Variants in CFI observed in about 807,000 individuals in gnomAD.
CFI encodes the protein complement factor I.
In CFI, 66 loss-of-function variants were observed where a neutral mutation model predicts 78.8. That is an observed-to-expected ratio of 0.84 (90% CI 0.69 to 1.03). The LOEUF (loss-of-function observed/expected upper bound fraction) is 1.03. Among genes scored for constraint, CFI ranks in the 50% least tolerant of loss-of-function variants. The pLI is 0.00. For synonymous variants in CFI, 250 were observed against 232.6 expected (o/e 1.07, Z -0.68); for missense variants, 706 against 704.5 (o/e 1.00, Z -0.02).
At chr4:109,760,011 T>C in intron 6 of CFI, 1 of 614,352 alleles carries the variant, frequency 1.6e-6, no homozygotes, top group South Asian at 1.7e-5. Context: ...AAATGGGTAC[T>C]TAAGGATTGG....
chr4:109,775,983 C>G (rs548340748), intron 1 of CFI, among the ~76,000 whole-genome samples: 1 of 152,252 alleles, frequency 6.6e-6, no homozygotes, highest in African/African-American at 2.4e-5. Context: ...CCCATCTGTA[C>G]GTCACCATCA....
downstream of CFI, chr4:109,740,651 C>T (rs563449420): frequency 2.3e-5 from 12 of 514,736 alleles, no homozygotes; most frequent in African/African-American, 9.6e-5. Flanking sequence ...AAATCACTCC[C>T]GCATTGAGAT....
intron 1 of CFI, among the ~76,000 whole-genome samples, chr4:109,799,984 C>G (rs1205725738): frequency 6.6e-6 from 1 of 152,140 alleles, no homozygotes; most frequent in Non-Finnish European, 1.5e-5. Flanking sequence ...AAACCTTTGA[C>G]TGTTTTCCAG....
In CFI at chr4:109,746,511, GAA is replaced by G; in HGVS notation, c.1149-11_1149-10del. ...GATGAGTTTTACTGGCTCTATAACAGAAAAAAAAAGGAAATAAAATATATTGA... is the reference window on the plus strand; with the variant it reads ...GATGAGTTTTACTGGCTCTATAACAGAAAAAAAGGAAATAAAATATATTGA... On this transcript the variant is annotated splice_polypyrimidine_tract_variant and intron_variant, in intron 10 of 12. Transcript: ENST00000394634. 1.3e-6 allele frequency: 2 copies of G among 1,524,420 alleles called. No homozygotes were observed. Among genetic ancestry groups the G allele is most frequent in the Non-Finnish European group, 1.8e-6 (2 of 1,131,334 alleles). 94.4% of individuals were successfully genotyped at this position (1,524,420 alleles called of 1,614,324 possible).
At position 109,766,734 on chromosome 4, in the gene CFI, G is replaced by C. The variant is rs144082872; in HGVS notation, c.148C>G (p.Pro50Ala). 133 of 1,613,978 alleles carry C rather than the reference G, an allele frequency of 8.2e-5. No homozygotes were observed. The highest frequency in any genetic ancestry group is 3.3e-4 in the Middle Eastern group (2 of 6,062). ...GTGCCCTCAATGCATCTCTGCCATGGCTGGCAGAAGACTTTATCGCAGGAG... is the reference window on the plus strand; with the variant it reads ...GTGCCCTCAATGCATCTCTGCCATGCCTGGCAGAAGACTTTATCGCAGGAG... Reference protein sequence around the residue: ...HLSCDKVFCQPWQRCIEGTCV... With the variant: ...HLSCDKVFCQAWQRCIEGTCV... Residue 50 changes from proline (P) to alanine (A), a missense_variant, in exon 2 of 13, where the codon CCA becomes GCA. Transcript: ENST00000394634.
At position 109,756,963 on chromosome 4, in the gene CFI, AAGAAAGAAAGAAAG is replaced by A. The variant is rs1488268480; in HGVS notation, c.904+786_904+799del. 1.5e-4 allele frequency among the ~76,000 whole-genome samples: 20 copies of A among 137,506 alleles called. 1 individual carries two copies. In the South Asian group the frequency reaches 1.7e-3, roughly 11 times the overall value. The allele number at this position is 137,506 out of a possible 152,430, so 90.2% of individuals were successfully genotyped here. A position where few individuals can be genotyped will look rare whatever the true frequency, so the allele number is the denominator to read the frequency against. The stretch of plus-strand genomic sequence containing the variant: ...AAAGAAAGAAAGAAAGAAAGAAAGA[AAGAAAGAAAGAAAG>A]AAATTCTGAGGAGGATCATGAACTT... On this transcript the variant is annotated intron_variant, in intron 7 of 12. Coordinates refer to ENST00000394634, the MANE Select transcript of CFI (RefSeq NM_000204.5).
chr4:109,755,677 G>T (rs916902222), intron 7 of CFI, among the ~76,000 whole-genome samples: 52 of 152,060 alleles, frequency 3.4e-4, no homozygotes, highest in Non-Finnish European at 8.8e-5. Flanking sequence ...GACAGATGTG[G>T]GACCTGCGAC....
rs150962056 is a variant in CFI, at chr4:109,741,777, T to C, written c.1535-667A>G. On this transcript the variant is annotated intron_variant, in intron 12 of 12. Transcript: ENST00000394634. The stretch of plus-strand genomic sequence containing the variant: ...TTAAATCACTGTAACCAGTAAGTTA[T>C]AGGATGTCAATAACTGCCTTTTCAG... 565 of 155,702 alleles carry C rather than the reference T, an allele frequency of 3.6e-3. 1 individual carries two copies. The highest frequency in any genetic ancestry group is 0.013 in the African/African-American group (538 of 41,582). The allele number at this position is 155,702 out of a possible 1,614,324, so 9.6% of individuals were successfully genotyped here. A position where few individuals can be genotyped will look rare whatever the true frequency, so the allele number is the denominator to read the frequency against.
rs111867853 is a variant in CFI, at chr4:109,767,005, A to T, written c.58-181T>A. Among the ~76,000 whole-genome samples the T allele has an allele frequency of 2.6e-3, 393 of 152,330 alleles. 4 individuals carry two copies. The highest frequency in any genetic ancestry group is 8.9e-3 in the African/African-American group (369 of 41,568). On this transcript the variant is annotated intron_variant, in intron 1 of 12. Coordinates refer to ENST00000394634, the MANE Select transcript of CFI (RefSeq NM_000204.5). Reference sequence around the variant, plus strand: ...ATCTACAACCATCTGATCTTTGACAAACTTGACAAAAACAAGAAATGGGGA... The same window carrying T: ...ATCTACAACCATCTGATCTTTGACATACTTGACAAAAACAAGAAATGGGGA...
At chr4:109,735,250 C>T in the CFI span, among the ~76,000 whole-genome samples, 1 of 151,496 alleles carries the variant, frequency 6.6e-6, no homozygotes, top group African/African-American at 2.4e-5. Context: ...CCACCGCACC[C>T]AGCCCTACAC....
Position 109,742,354 on chromosome 4 carries a change from G to A in CFI, c.1534+137C>T, listed in dbSNP as rs6839136. The A allele has an allele frequency of 7.4e-4, 522 of 700,708 alleles. 7 individuals carry two copies. Among genetic ancestry groups the A allele is most frequent in the African/African-American group, 7.3e-3 (417 of 56,850 alleles). 43.4% of individuals were successfully genotyped at this position (700,708 alleles called of 1,614,324 possible). On this transcript the variant is annotated intron_variant, in intron 12 of 12. Transcript: ENST00000394634. ...GAGCTACAGGGAAGGGACTGAAAGA[G>A]TTTGAGAGTGCTACAGCCAGAAGGC... is the stretch of plus-strand genomic sequence containing the variant.
At chr4:109,751,122 A>G (rs1725079941) in intron 8 of CFI, among the ~76,000 whole-genome samples, 1 of 152,042 alleles carries the variant, frequency 6.6e-6, no homozygotes, top group African/African-American at 2.4e-5. Flanking sequence ...TTTCTAAGGA[A>G]CTGGACATGT....
chr4:109,780,411 G>A (rs1485981972), intron 1 of CFI, among the ~76,000 whole-genome samples: 1 of 152,122 alleles, frequency 6.6e-6, no homozygotes, highest in Non-Finnish European at 1.5e-5. Flanking sequence ...CATCATCACT[G>A]GCCATCAGAG....
Position 109,766,830 on chromosome 4 carries a change from A to C in CFI, c.58-6T>G. The C allele has an allele frequency of 1.2e-6, 2 of 1,614,038 alleles. No homozygotes were observed. The highest frequency in any genetic ancestry group is 1.3e-5 in the African/African-American group (1 of 75,050). On this transcript the variant is annotated splice_region_variant and splice_polypyrimidine_tract_variant and intron_variant, in intron 1 of 12. Coordinates refer to ENST00000394634, the MANE Select transcript of CFI (RefSeq NM_000204.5). Reference sequence around the variant, plus strand: ...TCTTGAGATGTATAAGTGACCTGTAAAATGCAAAATAAACATTAACTTAGC... The same window carrying C: ...TCTTGAGATGTATAAGTGACCTGTACAATGCAAAATAAACATTAACTTAGC...
chr4:109,757,890 C>T, intron 6 of CFI, 107 bp from the exon 7 acceptor site: 1 of 1,350,646 alleles, frequency 7.4e-7, no homozygotes, highest in Non-Finnish European at 1.0e-6. Context: ...CACCTTATTT[C>T]TGTTTTCTTC....
At chr4:109,798,884 AG>A (rs553370482) in intron 1 of CFI, among the ~76,000 whole-genome samples, 10,127 of 125,660 alleles carry the variant, frequency 0.081, 643 homozygotes, top group African/African-American at 0.26. Context: ...ATGCAAGAGG[AG>A]GGAGAGAGAG....
In CFI at chr4:109,759,136, T is replaced by G. The variant is rs369820301; in HGVS notation, c.883+1134A>C. ...GAATTCTTGCCTAAAATATTAAACC[T>G]TGCTCTTAAAAAAAAGTGTTCATTT... On this transcript the variant is annotated intron_variant, in intron 6 of 12. Transcript: ENST00000394634. 5.9e-5 allele frequency among the ~76,000 whole-genome samples: 9 copies of G among 152,148 alleles called. No individual in the cohort carries two copies. The East Asian group carries it at 1.4e-3, about 23-fold the overall frequency.
At chr4:109,760,221 A>G (rs760053455) in intron 6 of CFI, 49 bp downstream of exon 6, 4 of 1,317,268 alleles carry the variant, frequency 3.0e-6, no homozygotes, top group Non-Finnish European at 4.4e-6. Context: ...AAGTTTCAGA[A>G]TCCCTGGATT....
chr4:109,748,960 C>T (rs566664345), intron 10 of CFI, among the ~76,000 whole-genome samples: 4 of 152,212 alleles, frequency 2.6e-5, no homozygotes, highest in Admixed American at 2.6e-4. Context: ...TGCAAATAAG[C>T]CAGGTGAAGT....
Sources: allele counts gnomAD v4.1 joint callset (sites outside exome capture counted in the v4.1 genomes callset), GRCh38; gene constraint gnomAD v4.1.1; transcripts MANE v1.5; gene names NCBI Gene and HGNC (gene_info 2026-07-23, HGNC 2026-07-21).